Variants in CPVL observed in about 807,000 individuals in gnomAD.
CPVL encodes the protein probable serine carboxypeptidase CPVL.
CPVL carries 51 observed loss-of-function variants against 63.7 expected under a neutral mutation model. The ratio of observed to expected loss-of-function variants is 0.80; its 90% CI spans 0.64 to 1.01. The LOEUF is 1.01. Ranked by LOEUF, CPVL falls within the 50% of genes least tolerant of loss-of-function variation. CPVL has a pLI of 0.00. For missense variants in CPVL, 530 were observed against 573.1 expected, an observed-to-expected ratio of 0.92 and a Z score of 0.77; for synonymous variants, 195 against 206.0, an observed-to-expected ratio of 0.95 and a Z score of 0.46.
Position 29,121,028 on chromosome 7 carries a change from G to A in CPVL, c.34C>T (p.Leu12=). The A allele has an allele frequency of 6.2e-7, 1 of 1,608,692 alleles. No homozygotes were observed. Among genetic ancestry groups the A allele is most frequent in the Non-Finnish European group, 8.5e-7 (1 of 1,178,182 alleles). The change falls in exon 2 of 13, where the codon CTG becomes TTG. Residue 12 remains leucine (L), a synonymous_variant. Transcript: ENST00000265394. Reference sequence around the variant, plus strand: ...CAGGGGCCAGGCATCAACAGGACCAGCGAAACAATCACCTTCCACATGGCA... The same window carrying A: ...CAGGGGCCAGGCATCAACAGGACCAACGAAACAATCACCTTCCACATGGCA... ...VGAMWKVIVS[L]VLLMPGPCDG... is the part of the protein sequence containing the mutation.
At chr7:29,133,218 T>G (rs1047315222) in intron 1 of CPVL, among the ~76,000 whole-genome samples, 6 of 151,118 alleles carry the variant, frequency 4.0e-5, no homozygotes, top group Admixed American at 3.3e-4. Context: ...CAAAAAACGC[T>G]GTTTTCTTTC....
chr7:28,998,448 GT>G (rs1583917042), intron 12 of CPVL, among the ~76,000 whole-genome samples: 1 of 152,174 alleles, frequency 6.6e-6, no homozygotes, highest in East Asian at 1.9e-4. Context: ...GGCACTGCAC[GT>G]TGTGTGACCT....
intron 11 of CPVL, among the ~76,000 whole-genome samples, chr7:29,036,435 C>G (rs565990910): frequency 3.3e-5 from 5 of 152,156 alleles, no homozygotes; most frequent in Non-Finnish European, 7.3e-5. Flanking sequence ...CTAAATAAAC[C>G]TTCAGAATAT....
At chr7:29,013,729 T>C (rs1283368540) in intron 12 of CPVL, among the ~76,000 whole-genome samples, 3 of 152,212 alleles carry the variant, frequency 2.0e-5, no homozygotes, top group African/African-American at 7.2e-5. Context: ...TCTTCAAGGA[T>C]GTACTTGCTG....
At chr7:29,163,335 T>C (rs755656577) in intron 5 of CPVL, among the ~76,000 whole-genome samples, 81 of 152,152 alleles carry the variant, frequency 5.3e-4, no homozygotes, top group Non-Finnish European at 8.7e-4. Flanking sequence ...TAAAATACTC[T>C]ATATTGAATT....
At chr7:29,116,930 C>A (rs190179604) in intron 2 of CPVL, among the ~76,000 whole-genome samples, 5 of 152,286 alleles carry the variant, frequency 3.3e-5, no homozygotes, top group African/African-American at 1.2e-4. Flanking sequence ...ATAAGACTCA[C>A]GTTCCTAGGG....
chr7:29,075,589 C>T (rs1186625203), intron 7 of CPVL, among the ~76,000 whole-genome samples: 2 of 151,158 alleles, frequency 1.3e-5, no homozygotes, highest in African/African-American at 2.4e-5. Flanking sequence ...CTGAGGTCCC[C>T]CAAGGTGGAA....
At chr7:29,108,833 C>A (rs1787979788) in intron 3 of CPVL, among the ~76,000 whole-genome samples, 1 of 152,324 alleles carries the variant, frequency 6.6e-6, no homozygotes, top group Admixed American at 6.5e-5. Context: ...AGATTTCTAT[C>A]CAAGCCTGAC....
At chr7:29,023,396 G>C (rs1396411732) in intron 12 of CPVL, among the ~76,000 whole-genome samples, 10 of 152,160 alleles carry the variant, frequency 6.6e-5, no homozygotes, top group Non-Finnish European at 1.2e-4. Flanking sequence ...GATCTCACAA[G>C]ACTTACTCAC....
rs368460976 is a variant in CPVL at position 29,091,141 on chromosome 7, A to G, written c.542+1482T>C. Among the ~76,000 whole-genome samples, 3 of 152,254 alleles carry G rather than the reference A, an allele frequency of 2.0e-5. No homozygotes were observed. In the East Asian group the frequency reaches 5.8e-4, roughly 29 times the overall value. ...GCAAAAAGAACTACAACAGCTATAA[A>G]CAATAGATGCTTTGAAATAGGTTCC... On this transcript the variant is annotated intron_variant, in intron 6 of 12. Transcript: ENST00000265394.
chr7:29,093,941 C>A lies in CPVL; in HGVS notation c.462+1143G>T, dbSNP rs190483468. On this transcript the variant is annotated intron_variant, in intron 5 of 12. Coordinates refer to ENST00000265394, the MANE Select transcript of CPVL (RefSeq NM_031311.5). ...GATACTCCAAATCTGTAGAAGCTGA[C>A]CCTAAGTTTCTCTCCTATTTTGCAC... is the stretch of plus-strand genomic sequence containing the variant. Among the ~76,000 whole-genome samples, 6 of 152,302 alleles carry A rather than the reference C, an allele frequency of 3.9e-5. No individual in the cohort carries two copies. The East Asian group carries it at 7.7e-4, about 20-fold the overall frequency.
At chr7:29,042,952 A>G (rs1332706943) in intron 11 of CPVL, among the ~76,000 whole-genome samples, 1 of 152,194 alleles carries the variant, frequency 6.6e-6, no homozygotes, top group South Asian at 2.1e-4. Context: ...TGGCTGACCC[A>G]TTGGCATTCT....
intron 11 of CPVL, among the ~76,000 whole-genome samples, chr7:29,051,270 G>T (rs1790129442): frequency 6.6e-6 from 1 of 152,308 alleles, no homozygotes; most frequent in East Asian, 1.9e-4. Context: ...TTAAACAAAA[G>T]AGCTTTTGCA....
chr7:29,115,408 G>A (rs1370561542), intron 2 of CPVL, among the ~76,000 whole-genome samples: 1 of 152,108 alleles, frequency 6.6e-6, no homozygotes, highest in African/African-American at 2.4e-5. Context: ...AGAGAGGTGA[G>A]GATCTTATGA....
intron 5 of CPVL, among the ~76,000 whole-genome samples, chr7:29,093,447 CTCTTCT>C (rs565596019): frequency 1.3e-5 from 2 of 151,390 alleles, no homozygotes; most frequent in African/African-American, 4.9e-5. Flanking sequence ...CATTGTCTTC[CTCTTCT>C]TCTTCTTCCT....
At chr7:29,082,713 A>T (rs1053612512) in intron 7 of CPVL, among the ~76,000 whole-genome samples, 1 of 152,198 alleles carries the variant, frequency 6.6e-6, no homozygotes, top group African/African-American at 2.4e-5. Context: ...GCAGCAAGGA[A>T]GGTAAAAAGA....
At position 29,029,645 on chromosome 7, in the gene CPVL, C is replaced by A. The variant is rs139332552; in HGVS notation, c.1320+932G>T. 7.0e-4 allele frequency among the ~76,000 whole-genome samples: 106 copies of A among 152,178 alleles called. 1 individual carries two copies. The highest frequency in any genetic ancestry group is 2.5e-3 in the African/African-American group (103 of 41,490). On this transcript the variant is annotated intron_variant, in intron 12 of 12. Coordinates refer to ENST00000265394, the MANE Select transcript of CPVL (RefSeq NM_031311.5). ...AGAATAGAATGATAGTTACCAGAGG[C>A]TGGGAAGTGGGGATGGGTGGGAAGA...
intron 1 of CPVL, among the ~76,000 whole-genome samples, chr7:29,124,504 A>G (rs542675983): frequency 3.3e-5 from 5 of 152,282 alleles, no homozygotes; most frequent in African/African-American, 1.2e-4. Flanking sequence ...ACTAAACCTT[A>G]AATATTAAAG....
At chr7:29,071,713 GC>G in intron 9 of CPVL, 59 bp downstream of exon 9, 3 of 273,500 alleles carry the variant, frequency 1.1e-5, no homozygotes, top group Non-Finnish European at 2.1e-5. Flanking sequence ...CTGCTCACCC[GC>G]CCTCCCTCCC....
Sources: allele counts gnomAD v4.1 joint callset (sites outside exome capture counted in the v4.1 genomes callset), GRCh38; gene constraint gnomAD v4.1.1; transcripts MANE v1.5; gene names NCBI Gene and HGNC (gene_info 2026-07-23, HGNC 2026-07-21).